The following DISC1 variants were observed in gnomAD, a reference collection of about 807,000 sequenced individuals.
DISC1 encodes the protein disrupted in schizophrenia 1 protein.
Under a neutral mutation model 84.5 loss-of-function variants are expected in DISC1, and 57 were observed. The observed-to-expected ratio is 0.67, with a 90% CI of 0.55 to 0.84. The LOEUF (loss-of-function observed/expected upper bound fraction) is 0.84. Among genes scored for constraint, DISC1 ranks in the 40% least tolerant of loss-of-function variants. DISC1 has a pLI of 0.00. For missense variants in DISC1, 1,000 were observed against 1,057.8 expected (o/e 0.95, Z 0.76); for synonymous variants, 411 against 415.2 (o/e 0.99, Z 0.12).
At chr1:231,682,985 G>T (rs74146707) in intron 1 of DISC1, among the ~76,000 whole-genome samples, 1 of 152,198 alleles carries the variant, frequency 6.6e-6, no homozygotes, top group Admixed American at 6.5e-5. Context: ...AAAGTGAGAC[G>T]CTGGTGCCAT....
At chr1:231,701,259 C>A (rs990986345) in intron 2 of DISC1, among the ~76,000 whole-genome samples, 2 of 152,094 alleles carry the variant, frequency 1.3e-5, no homozygotes, top group African/African-American at 4.8e-5. Context: ...ATGGGAAAGA[C>A]CCACCCCCAT....
chr1:231,962,480 T>C (rs1053449633), intron 10 of DISC1, among the ~76,000 whole-genome samples: 10 of 152,256 alleles, frequency 6.6e-5, no homozygotes, highest in South Asian at 6.2e-4. Flanking sequence ...TAAAAGAGCC[T>C]GAATATCCAA....
chr1:231,802,138 T>A (rs1385555023), intron 8 of DISC1, among the ~76,000 whole-genome samples: 2 of 152,030 alleles, frequency 1.3e-5, no homozygotes, highest in African/African-American at 2.4e-5. Context: ...GTTTCTATGA[T>A]TCGCTTAGAT....
intron 9 of DISC1, among the ~76,000 whole-genome samples, chr1:231,871,410 A>T (rs1327240420): frequency 1.3e-5 from 2 of 152,130 alleles, no homozygotes; most frequent in African/African-American, 4.8e-5. Flanking sequence ...TTTAATTAAT[A>T]CATTTCCTTG....
intron 9 of DISC1, among the ~76,000 whole-genome samples, chr1:231,908,725 A>T (rs1457939625): frequency 6.6e-6 from 1 of 152,224 alleles, no homozygotes; most frequent in Non-Finnish European, 1.5e-5. Flanking sequence ...TGGTAGCTTG[A>T]TGCGGATGGC....
chr1:232,001,056 A>G (rs779045391), intron 10 of DISC1, among the ~76,000 whole-genome samples: 3 of 152,128 alleles, frequency 2.0e-5, no homozygotes, highest in Non-Finnish European at 4.4e-5. Context: ...TTTTAATGTC[A>G]TCTGATACTT....
intron 4 of DISC1, among the ~76,000 whole-genome samples, chr1:231,755,186 G>A (rs2074996121): frequency 6.6e-6 from 1 of 151,588 alleles, no homozygotes; most frequent in Admixed American, 6.6e-5. Context: ...AATGTCTTAT[G>A]AGCTCCTTCT....
At chr1:231,741,521 A>G (rs966677183) in intron 3 of DISC1, among the ~76,000 whole-genome samples, 1 of 152,198 alleles carries the variant, frequency 6.6e-6, no homozygotes, top group Non-Finnish European at 1.5e-5. Context: ...TCACTATACA[A>G]TGACCAACAC....
chr1:231,741,710 C>T (rs1212313483), intron 3 of DISC1, among the ~76,000 whole-genome samples: 1 of 152,174 alleles, frequency 6.6e-6, no homozygotes, highest in Non-Finnish European at 1.5e-5. Flanking sequence ...TAGACTTAGC[C>T]TGGGCTGGAT....
At chr1:231,722,678 TGAAAA>T (rs1262293569) in intron 3 of DISC1, 2 of 1,605,924 alleles carry the variant, frequency 1.2e-6, no homozygotes, top group Non-Finnish European at 1.7e-6. Context: ...TTAGACATCA[TGAAAA>T]GAAAAAGAGG....
At chr1:231,767,321 G>A (rs764916775) in intron 5 of DISC1, 52 bp downstream of exon 5, 3 of 1,607,962 alleles carry the variant, frequency 1.9e-6, no homozygotes, top group Middle Eastern at 1.7e-4. Flanking sequence ...TCTTTTCTTT[G>A]AGACAGGGTC....
intron 9 of DISC1, among the ~76,000 whole-genome samples, chr1:231,855,808 A>G (rs758444222): frequency 1.3e-5 from 2 of 152,234 alleles, no homozygotes; most frequent in Non-Finnish European, 2.9e-5. Flanking sequence ...AAAGTCTGAA[A>G]AAACCCTAGG....
chr1:231,998,649 C>A (rs1309040900), intron 10 of DISC1, among the ~76,000 whole-genome samples: 1 of 152,074 alleles, frequency 6.6e-6, no homozygotes, highest in East Asian at 1.9e-4. Context: ...GACTATGAGA[C>A]CTGGAAATAC....
At chr1:231,972,394 T>A (rs1019765771) in intron 10 of DISC1, among the ~76,000 whole-genome samples, 2 of 152,204 alleles carry the variant, frequency 1.3e-5, no homozygotes, top group Non-Finnish European at 2.9e-5. Context: ...TAAGTGACTA[T>A]GAAGCCTTTC....
intron 9 of DISC1, chr1:231,854,733 TTTG>T: frequency 1.2e-5 from 2 of 168,358 alleles, no homozygotes; most frequent in Admixed American, 6.2e-5. Context: ...TTTTTTTTTT[TTTG>T]AGATGGAGTC....
intron 9 of DISC1, among the ~76,000 whole-genome samples, chr1:231,957,169 T>C (rs1403120106): frequency 6.6e-6 from 1 of 152,180 alleles, no homozygotes; most frequent in Non-Finnish European, 1.5e-5. Flanking sequence ...GCCTTCATCT[T>C]TTCTCCCTAT....
chr1:231,795,345 G>A (rs377435066), intron 7 of DISC1, 49 bp downstream of exon 7: 74 of 1,540,384 alleles, frequency 4.8e-5, no homozygotes, highest in Middle Eastern at 1.7e-4. Context: ...TGAAGTTTTC[G>A]TTTGACTTGA....
chr1:231,817,910 G>A (rs1471076594), intron 8 of DISC1, among the ~76,000 whole-genome samples: 1 of 152,136 alleles, frequency 6.6e-6, no homozygotes, highest in Non-Finnish European at 1.5e-5. Flanking sequence ...TAACAGGGGA[G>A]GAATTTAATT....
At chr1:231,787,776 T>C (rs1444961052) in intron 6 of DISC1, among the ~76,000 whole-genome samples, 2 of 152,186 alleles carry the variant, frequency 1.3e-5, no homozygotes, top group African/African-American at 4.8e-5. Context: ...CATCTGGCAC[T>C]TGCTAGAGGC....
Sources: allele counts gnomAD v4.1 joint callset (sites outside exome capture counted in the v4.1 genomes callset), GRCh38; gene constraint gnomAD v4.1.1; transcripts MANE v1.5; gene names NCBI Gene and HGNC (gene_info 2026-07-23, HGNC 2026-07-21).